Variants in DGKB observed in about 807,000 individuals in gnomAD.
The protein encoded by DGKB is 90 kDa diacylglycerol kinase.
Under a neutral mutation model 114.3 loss-of-function variants are expected in DGKB, and 67 were observed. The ratio of observed to expected loss-of-function variants is 0.59; its 90% confidence interval spans 0.48 to 0.72. The LOEUF is 0.72. DGKB is among the 30% of genes least tolerant of loss of function. The probability of loss-of-function intolerance (pLI) is 0.00; values close to 1 mark genes in which losing one functional copy is unlikely to be tolerated. For missense variants in DGKB, 907 were observed against 975.2 expected, an observed-to-expected ratio of 0.93 and a Z score of 0.93; for synonymous variants, 398 against 323.1, an observed-to-expected ratio of 1.23 and a Z score of -2.49.
At chr7:14,758,918 TAGATAGATAGATAG>T (rs2128449495) in intron 2 of DGKB, among the ~76,000 whole-genome samples, 1 of 149,378 alleles carries the variant, frequency 6.7e-6, no homozygotes, top group African/African-American at 2.6e-5. Context: ...GATAGATAGA[TAGATAGATAGATAG>T]ATACATAGAT....
At chr7:14,734,080 C>T (rs925680176) in intron 5 of DGKB, among the ~76,000 whole-genome samples, 2 of 151,458 alleles carry the variant, frequency 1.3e-5, no homozygotes, top group African/African-American at 4.9e-5. Context: ...CTGTTGCCAG[C>T]CTGGAGTGCA....
intron 23 of DGKB, among the ~76,000 whole-genome samples, chr7:14,320,879 G>A (rs1461287402): frequency 6.6e-6 from 1 of 152,008 alleles, no homozygotes; most frequent in Non-Finnish European, 1.5e-5. Flanking sequence ...CCATTCTCAT[G>A]AACATAGATG....
chr7:14,602,577 C>T (rs1356744817), intron 17 of DGKB, among the ~76,000 whole-genome samples: 2 of 152,298 alleles, frequency 1.3e-5, no homozygotes, highest in East Asian at 3.9e-4. Context: ...AGCTGTTTTT[C>T]TGCTCTTCTG....
intron 23 of DGKB, among the ~76,000 whole-genome samples, chr7:14,267,529 C>T (rs1797692612): frequency 6.6e-6 from 1 of 150,886 alleles, no homozygotes; most frequent in South Asian, 2.1e-4. Context: ...GGCTCTGTTG[C>T]CCAGGCTGGA....
At chr7:14,869,259 G>C (rs1355690923) in intron 1 of DGKB, among the ~76,000 whole-genome samples, 1 of 152,182 alleles carries the variant, frequency 6.6e-6, no homozygotes, top group Non-Finnish European at 1.5e-5. Context: ...ATTCAATTTA[G>C]ATTTTAGCCT....
At chr7:14,344,621 CT>C (rs1812167568) in intron 22 of DGKB, among the ~76,000 whole-genome samples, 1 of 151,254 alleles carries the variant, frequency 6.6e-6, no homozygotes, top group Non-Finnish European at 1.5e-5. Flanking sequence ...TATAACTTTT[CT>C]TTTTTCTTTA....
At chr7:14,901,044 C>A (rs904645214) in intron 1 of DGKB, among the ~76,000 whole-genome samples, 6 of 152,092 alleles carry the variant, frequency 3.9e-5, no homozygotes, top group Admixed American at 3.9e-4. Context: ...ATATTCCCTG[C>A]ATTATATTTT....
intron 13 of DGKB, among the ~76,000 whole-genome samples, chr7:14,667,908 A>C (rs1172119825): frequency 6.6e-6 from 1 of 152,102 alleles, no homozygotes; most frequent in African/African-American, 2.4e-5. Context: ...ATTAACACAT[A>C]CGAGACCCGA....
At chr7:14,829,651 G>C (rs1344643589) in intron 2 of DGKB, among the ~76,000 whole-genome samples, 2 of 152,024 alleles carry the variant, frequency 1.3e-5, no homozygotes, top group East Asian at 1.9e-4. Flanking sequence ...TTATGTTAAT[G>C]GTGTTATTTT....
intron 23 of DGKB, among the ~76,000 whole-genome samples, chr7:14,276,799 G>C (rs1799070214): frequency 6.6e-6 from 1 of 151,702 alleles, no homozygotes; most frequent in African/African-American, 2.4e-5. Flanking sequence ...TTAATTTACA[G>C]ATAAAGGAAG....
intron 21 of DGKB, among the ~76,000 whole-genome samples, chr7:14,437,044 GCTTA>G (rs1235625176): frequency 1.3e-5 from 2 of 151,780 alleles, no homozygotes; most frequent in Non-Finnish European, 2.9e-5. Context: ...GTTTCTTTCT[GCTTA>G]TTTATGTGTT....
At chr7:14,393,013 C>T (rs1342027581) in intron 21 of DGKB, among the ~76,000 whole-genome samples, 12 of 816 alleles carry the variant, frequency 0.015, no homozygotes, top group African/African-American at 0.034. Context: ...TTTTTTGAGA[C>T]GGAGTCTCGC....
intron 2 of DGKB, among the ~76,000 whole-genome samples, chr7:14,781,577 G>T (rs959314863): frequency 6.6e-6 from 1 of 151,892 alleles, no homozygotes; most frequent in Non-Finnish European, 1.5e-5. Flanking sequence ...TCCTTTCTTT[G>T]CTCTGGGCTG....
chr7:14,158,008 AG>A (rs1484452264), intron 25 of DGKB, among the ~76,000 whole-genome samples: 2 of 152,166 alleles, frequency 1.3e-5, no homozygotes, highest in Non-Finnish European at 1.5e-5. Flanking sequence ...CCAGGACATG[AG>A]GCAAGGATTT....
chr7:14,852,487 C>CAAAAAAAAAAAAAACAAAAAAA lies in DGKB; in HGVS notation c.-187-11038_-187-11037insTTTTTTTGTTTTTTTTTTTTTT. Among the ~76,000 whole-genome samples, 4 of 63,618 alleles carry CAAAAAAAAAAAAAACAAAAAAA rather than the reference C, an allele frequency of 6.3e-5. 1 individual carries two copies. The highest frequency in any genetic ancestry group is 8.9e-5 in the Non-Finnish European group (3 of 33,826). 41.7% of individuals were successfully genotyped at this position (63,618 alleles called of 152,430 possible). A position where few individuals can be genotyped will look rare whatever the true frequency, so the allele number is the denominator to read the frequency against. On this transcript the variant is annotated intron_variant, in intron 1 of 25. Transcript: ENST00000402815. The stretch of plus-strand genomic sequence containing the variant: ...GAGGAATAGCTAAAATAGTGAAAGT[C>CAAAAAAAAAAAAAACAAAAAAA]AAAAAAAAAACAGAAATCAAGCATA...
intron 2 of DGKB, among the ~76,000 whole-genome samples, chr7:14,782,631 G>A (rs114120531): frequency 6.6e-6 from 1 of 152,112 alleles, no homozygotes; most frequent in Admixed American, 6.6e-5. Context: ...AATTGTAATA[G>A]AGAATTACAG....
chr7:14,787,090 A>T (rs1199832557), intron 2 of DGKB, among the ~76,000 whole-genome samples: 1 of 152,140 alleles, frequency 6.6e-6, no homozygotes, highest in Non-Finnish European at 1.5e-5. Context: ...TGAGAGCTGT[A>T]CTGTCACTCA....
chr7:14,262,257 T>C (rs1019866234), intron 23 of DGKB, among the ~76,000 whole-genome samples: 61 of 152,322 alleles, frequency 4.0e-4, no homozygotes, highest in Non-Finnish European at 7.2e-4. Context: ...GTACTGTGGT[T>C]TGAATGTTTA....
intron 21 of DGKB, among the ~76,000 whole-genome samples, chr7:14,380,862 C>A (rs1208754395): frequency 6.6e-6 from 1 of 152,192 alleles, no homozygotes; most frequent in East Asian, 1.9e-4. Flanking sequence ...CAGCTACCAA[C>A]ACCCAATCCC....
Sources: allele counts gnomAD v4.1 joint callset (sites outside exome capture counted in the v4.1 genomes callset), GRCh38; gene constraint gnomAD v4.1.1; transcripts MANE v1.5; gene names NCBI Gene and HGNC (gene_info 2026-07-23, HGNC 2026-07-21).